The following SBF2 variants were observed in gnomAD, a reference collection of about 807,000 sequenced individuals.
The protein encoded by SBF2 is SET binding factor 2, also known as myotubularin-related protein 13.
Under a neutral mutation model 225.2 loss-of-function variants are expected in SBF2, and 112 were observed. The ratio of observed to expected loss-of-function variants is 0.50; its 90% CI spans 0.43 to 0.58. The LOEUF is 0.58. Among genes scored for constraint, SBF2 ranks in the 20% least tolerant of loss-of-function variants. The pLI, the probability that SBF2 is intolerant of heterozygous loss-of-function variation, is 0.00. For synonymous variants in SBF2, 763 were observed against 773.3 expected, an observed-to-expected ratio of 0.99 and a Z score of 0.22; for missense variants, 1,996 against 2,206.2, an observed-to-expected ratio of 0.90 and a Z score of 1.91.
chr11:9,953,851 G>A (rs1590591618), intron 16 of SBF2, among the ~76,000 whole-genome samples: 1 of 152,212 alleles, frequency 6.6e-6, no homozygotes, highest in East Asian at 1.9e-4. Context: ...TTAGTGAGAA[G>A]GTTCCTCATC....
At chr11:10,113,272 G>C (rs890441677) in intron 2 of SBF2, among the ~76,000 whole-genome samples, 1 of 152,174 alleles carries the variant, frequency 6.6e-6, no homozygotes, top group Non-Finnish European at 1.5e-5. Flanking sequence ...GGGATTACAG[G>C]CGTGAGCCAC....
intron 2 of SBF2, among the ~76,000 whole-genome samples, chr11:10,083,201 C>T (rs1374157695): frequency 7.2e-5 from 11 of 151,954 alleles, no homozygotes; most frequent in African/African-American, 2.7e-4. Context: ...TCTACAAGGA[C>T]AACTATAAGA....
At chr11:9,972,056 G>A (rs187718060) in intron 13 of SBF2, among the ~76,000 whole-genome samples, 3 of 152,286 alleles carry the variant, frequency 2.0e-5, no homozygotes, top group Admixed American at 1.3e-4. Context: ...AGTATTTTTA[G>A]TTCATGATCT....
intron 2 of SBF2, among the ~76,000 whole-genome samples, chr11:10,067,350 G>GT (rs1565192257): frequency 6.6e-6 from 1 of 152,040 alleles, no homozygotes; most frequent in African/African-American, 2.4e-5. Context: ...GTGTCACCAG[G>GT]TTTTTTGGTT....
chr11:9,940,650 A>C (rs899107554), intron 16 of SBF2, among the ~76,000 whole-genome samples: 1 of 152,204 alleles, frequency 6.6e-6, no homozygotes, highest in African/African-American at 2.4e-5. Context: ...CTTGGCCTGA[A>C]AGATTTACTA....
chr11:9,963,429 T>C (rs1421487711), intron 15 of SBF2, among the ~76,000 whole-genome samples: 2 of 152,120 alleles, frequency 1.3e-5, no homozygotes, highest in African/African-American at 4.8e-5. Flanking sequence ...CATGTCACTG[T>C]ACTCCAGCCT....
At chr11:10,104,907 T>C (rs1590965022) in intron 2 of SBF2, among the ~76,000 whole-genome samples, 1 of 152,244 alleles carries the variant, frequency 6.6e-6, no homozygotes, top group Non-Finnish European at 1.5e-5. Flanking sequence ...CTTCACTGAG[T>C]ATTAAACAAG....
chr11:10,009,825 C>T (rs986643782), intron 6 of SBF2, among the ~76,000 whole-genome samples: 2 of 152,154 alleles, frequency 1.3e-5, no homozygotes, highest in African/African-American at 4.8e-5. Context: ...ACTGGAGGAT[C>T]ATCACACTGT....
At chr11:9,975,210 G>C (rs1004516507) in intron 13 of SBF2, among the ~76,000 whole-genome samples, 1 of 152,046 alleles carries the variant, frequency 6.6e-6, no homozygotes, top group East Asian at 1.9e-4. Flanking sequence ...AAAAACTTAT[G>C]CAAATGTTTG....
At chr11:9,842,444 C>T (rs1382149965) in intron 25 of SBF2, among the ~76,000 whole-genome samples, 181 bp downstream of exon 25, 1 of 152,168 alleles carries the variant, frequency 6.6e-6, no homozygotes, top group Non-Finnish European at 1.5e-5. Flanking sequence ...CAAAATATTA[C>T]CTGAACAATG....
intron 16 of SBF2, chr11:9,961,724 G>A (rs372811039): frequency 2.2e-6 from 1 of 445,006 alleles, no homozygotes. Flanking sequence ...TTATATTACA[G>A]AACTAGTAAA....
intron 16 of SBF2, among the ~76,000 whole-genome samples, chr11:9,929,540 C>T (rs752582617): frequency 3.6e-4 from 55 of 152,178 alleles, no homozygotes; most frequent in Non-Finnish European, 7.2e-4. Flanking sequence ...GAAACCATTA[C>T]ATCTCAGAAG....
At chr11:10,139,771 T>C (rs951344936) in intron 2 of SBF2, among the ~76,000 whole-genome samples, 4 of 152,242 alleles carry the variant, frequency 2.6e-5, no homozygotes, top group African/African-American at 9.6e-5. Flanking sequence ...AGTAAGTTAT[T>C]GTCCTCATTA....
intron 2 of SBF2, among the ~76,000 whole-genome samples, chr11:10,143,197 A>G (rs1458955670): frequency 1.3e-5 from 2 of 151,640 alleles, no homozygotes; most frequent in Admixed American, 1.3e-4. Flanking sequence ...TTGAGACAGA[A>G]TTTTGCTCCT....
intron 1 of SBF2, among the ~76,000 whole-genome samples, chr11:10,263,703 T>C (rs1395865872): frequency 6.6e-6 from 1 of 152,112 alleles, no homozygotes; most frequent in African/African-American, 2.4e-5. Flanking sequence ...TCAACTCCAT[T>C]CACCCGGAAA....
intron 3 of SBF2, among the ~76,000 whole-genome samples, chr11:10,042,307 G>A (rs993505044): frequency 1.3e-5 from 2 of 152,136 alleles, no homozygotes; most frequent in African/African-American, 4.8e-5. Flanking sequence ...AGAAAGTAGA[G>A]CCAGTAATGT....
At chr11:9,859,072 C>A (rs527349989) in intron 17 of SBF2, among the ~76,000 whole-genome samples, 2 of 152,040 alleles carry the variant, frequency 1.3e-5, no homozygotes, top group Admixed American at 1.3e-4. Flanking sequence ...TGGGTTTCAG[C>A]GTAAGAGTAA....
intron 4 of SBF2, 31 bp from the exon 5 acceptor site, chr11:10,029,906 C>A (rs372146242): frequency 1.4e-6 from 2 of 1,401,950 alleles, no homozygotes; most frequent in Non-Finnish European, 2.0e-6. Flanking sequence ...GTAATTATTT[C>A]ATGGAAAAAG....
chr11:10,065,530 T>C (rs532285303), intron 2 of SBF2, among the ~76,000 whole-genome samples: 8 of 152,264 alleles, frequency 5.3e-5, no homozygotes, highest in Admixed American at 2.6e-4. Context: ...AAAAAAATGT[T>C]AATATTTGGA....
Sources: gnomAD v4.1 joint callset for allele counts (sites outside exome capture counted in the v4.1 genomes callset) on GRCh38, gnomAD v4.1.1 for gene constraint, MANE v1.5 for transcripts, NCBI Gene and HGNC (gene_info 2026-07-23, HGNC 2026-07-21) for gene names.